NLGN1: variants seen among roughly 807,000 people sequenced by gnomAD.
NLGN1 encodes neuroligin-1.
In NLGN1, 12 loss-of-function variants were observed where a neutral mutation model predicts 65.5. That is an observed-to-expected ratio of 0.18 (90% CI 0.12 to 0.30). The LOEUF is 0.30. Ranked by LOEUF, NLGN1 falls within the 10% of genes least tolerant of loss-of-function variation. The pLI is 1.00. For synonymous variants in NLGN1, 350 were observed against 359.5 expected (o/e 0.97, Z 0.30); for missense variants, 750 against 1,007.1 (o/e 0.74, Z 3.46).
intron 1 of NLGN1, among the ~76,000 whole-genome samples, chr3:173,423,686 G>A (rs1323149925): frequency 7.3e-6 from 1 of 136,366 alleles, no homozygotes; most frequent in African/African-American, 3.1e-5. Flanking sequence ...GCCTTGGTCA[G>A]CCCTGTTCCT....
chr3:173,604,402 G>C, exon 3 of NLGN1: 1 of 653,410 alleles, frequency 1.5e-6, no homozygotes, highest in South Asian at 1.8e-5. Context: ...GATAAATAGT[G>C]ATGATTGAAG....
At chr3:174,155,013 T>A (rs939391859) in intron 4 of NLGN1, among the ~76,000 whole-genome samples, 9 of 80,584 alleles carry the variant, frequency 1.1e-4, no homozygotes, top group Non-Finnish European at 1.5e-4. Flanking sequence ...TATATATTGA[T>A]ATAAATATAT....
At chr3:173,651,896 G>A (rs143354743) in intron 3 of NLGN1, among the ~76,000 whole-genome samples, 2,516 of 152,128 alleles carry the variant, frequency 0.017, 73 homozygotes, top group African/African-American at 0.058. Flanking sequence ...GGGTTCAAGC[G>A]ATTCTCCTGC....
chr3:173,611,831 G>T (rs1379327817), intron 3 of NLGN1, among the ~76,000 whole-genome samples: 1 of 151,984 alleles, frequency 6.6e-6, no homozygotes, highest in African/African-American at 2.4e-5. Flanking sequence ...ATAGAAACTG[G>T]GGTTGAAGTT....
intron 4 of NLGN1, among the ~76,000 whole-genome samples, chr3:174,074,473 A>T (rs975402973): frequency 6.6e-6 from 1 of 152,200 alleles, no homozygotes; most frequent in South Asian, 2.1e-4. Context: ...CATGATGACA[A>T]GGGTGAGTTT....
chr3:173,625,059 C>T (rs1284201773), intron 3 of NLGN1, among the ~76,000 whole-genome samples: 2 of 152,068 alleles, frequency 1.3e-5, no homozygotes, highest in Admixed American at 1.3e-4. Flanking sequence ...CTGATTTTAA[C>T]TAGAGAGTCC....
intron 4 of NLGN1, among the ~76,000 whole-genome samples, chr3:174,268,922 TTGTTTGA>T (rs1748806753): frequency 6.6e-6 from 1 of 151,854 alleles, no homozygotes; most frequent in South Asian, 2.1e-4. Flanking sequence ...TACCATCAAG[TTGTTTGA>T]TGTTAAGATA....
At chr3:173,932,812 T>G (rs576789927) in intron 4 of NLGN1, among the ~76,000 whole-genome samples, 1 of 152,242 alleles carries the variant, frequency 6.6e-6, no homozygotes, top group Admixed American at 6.5e-5. Flanking sequence ...AATAGCTGAT[T>G]TGCATATATG....
chr3:173,512,225 A>C (rs996587973), intron 2 of NLGN1, among the ~76,000 whole-genome samples: 5 of 152,228 alleles, frequency 3.3e-5, no homozygotes, highest in African/African-American at 1.2e-4. Context: ...CAGCAAGGGC[A>C]AAGTGTCAGT....
At chr3:173,632,857 T>TTTTTTTTG (rs1755939738) in intron 3 of NLGN1, among the ~76,000 whole-genome samples, 2 of 150,152 alleles carry the variant, frequency 1.3e-5, no homozygotes, top group Admixed American at 1.3e-4. Context: ...TTGTTTTTTT[T>TTTTTTTTG]TTTTTTTTTT....
At chr3:173,791,088 T>TA (rs1438836480) in intron 3 of NLGN1, among the ~76,000 whole-genome samples, 3 of 152,198 alleles carry the variant, frequency 2.0e-5, no homozygotes, top group African/African-American at 7.2e-5. Context: ...CTACAGTCGT[T>TA]AAAAACGGTA....
chr3:174,230,347 T>A (rs555726355), intron 4 of NLGN1, among the ~76,000 whole-genome samples: 5 of 152,180 alleles, frequency 3.3e-5, no homozygotes, highest in Non-Finnish European at 7.3e-5. Flanking sequence ...TAAAATGAGA[T>A]GTCATTTTCC....
At chr3:174,256,747 T>G (rs573879374) in intron 4 of NLGN1, among the ~76,000 whole-genome samples, 1 of 152,180 alleles carries the variant, frequency 6.6e-6, no homozygotes, top group Non-Finnish European at 1.5e-5. Flanking sequence ...AATTTTCATA[T>G]GCAAAAGTCA....
intron 4 of NLGN1, among the ~76,000 whole-genome samples, chr3:174,191,536 C>T (rs531784122): frequency 1.3e-5 from 2 of 152,210 alleles, no homozygotes; most frequent in East Asian, 3.9e-4. Flanking sequence ...ACTCTGTGAC[C>T]TGTCATTCTG....
intron 4 of NLGN1, among the ~76,000 whole-genome samples, chr3:173,944,943 G>C (rs975396962): frequency 1.3e-5 from 2 of 152,074 alleles, no homozygotes. Context: ...GATTCTTTGG[G>C]TAACTTTATA....
At position 173,890,391 on chromosome 3, in the gene NLGN1, G is replaced by A. The variant is rs943452836; in HGVS notation, c.646+82559G>A. Among the ~76,000 whole-genome samples the A allele has an allele frequency of 2.6e-5, 4 of 152,100 alleles. No individual in the cohort carries two copies. In the South Asian group the frequency reaches 6.2e-4, roughly 24 times the overall value. ...TTATGAGAAGGTTGGGCCGGAGACC[G>A]CAGTGTGTGCCTTTGGTACAGAGAT... On this transcript the variant is annotated intron_variant, in intron 4 of 6. Coordinates refer to ENST00000457714, the Ensembl canonical transcript of NLGN1.
At chr3:173,914,216 T>C (rs1740253066) in intron 4 of NLGN1, among the ~76,000 whole-genome samples, 1 of 152,080 alleles carries the variant, frequency 6.6e-6, no homozygotes, top group African/African-American at 2.4e-5. Flanking sequence ...GACAGAAGTA[T>C]CCCCTCCCCC....
chr3:174,236,326 A>G (rs897319885), intron 4 of NLGN1, among the ~76,000 whole-genome samples: 7 of 152,028 alleles, frequency 4.6e-5, no homozygotes, highest in African/African-American at 1.7e-4. Context: ...TTTCCTACCT[A>G]GTCTGTTAAA....
chr3:173,449,073 T>C (rs1720965989), intron 2 of NLGN1, among the ~76,000 whole-genome samples: 2 of 152,212 alleles, frequency 1.3e-5, no homozygotes, highest in African/African-American at 4.8e-5. Flanking sequence ...TCAGTTCTGC[T>C]CTGATCTTAG....
Sources: gnomAD v4.1 joint callset for allele counts (sites outside exome capture counted in the v4.1 genomes callset) on GRCh38, gnomAD v4.1.1 for gene constraint, MANE v1.5 for transcripts, NCBI Gene and HGNC (gene_info 2026-07-23, HGNC 2026-07-21) for gene names.